The following INTS4 variants were observed in gnomAD, a reference collection of about 807,000 sequenced individuals.
The protein encoded by INTS4 is MSTP093.
A neutral mutation model predicts 119.5 loss-of-function variants in INTS4; 70 were observed. That is an observed-to-expected ratio of 0.59 (90% CI 0.48 to 0.71). The LOEUF is 0.71. INTS4 is among the 30% of genes least tolerant of loss of function. The pLI, the probability that INTS4 is intolerant of heterozygous loss-of-function variation, is 0.00. For missense variants in INTS4, 867 were observed against 1,173.2 expected, an observed-to-expected ratio of 0.74 and a Z score of 3.81; for synonymous variants, 316 against 419.6, an observed-to-expected ratio of 0.75 and a Z score of 3.02.
At chr11:77,940,406 G>T (rs1317395207) in intron 9 of INTS4, among the ~76,000 whole-genome samples, 1 of 152,098 alleles carries the variant, frequency 6.6e-6, no homozygotes, top group Admixed American at 6.5e-5. Flanking sequence ...ATTTCAGCCT[G>T]GGCAATAGAG....
At chr11:77,907,637 C>T (rs1427981503) in intron 16 of INTS4, 80 bp downstream of exon 16, 4 of 977,032 alleles carry the variant, frequency 4.1e-6, no homozygotes, top group South Asian at 2.8e-5. Flanking sequence ...AGTTTTATAA[C>T]TTATGGCCTC....
downstream of INTS4, among the ~76,000 whole-genome samples, chr11:77,876,059 G>A (rs1951585519): frequency 1.3e-5 from 2 of 152,102 alleles, no homozygotes; most frequent in South Asian, 2.1e-4. Flanking sequence ...ACTTAAGGAG[G>A]GCTGATGGTG....
At chr11:77,968,892 A>G (rs1855600007) in intron 4 of INTS4, among the ~76,000 whole-genome samples, 1 of 152,196 alleles carries the variant, frequency 6.6e-6, no homozygotes, top group South Asian at 2.1e-4. Context: ...AAACGTGGAA[A>G]AAATGTAAAT....
chr11:77,909,998 C>A (rs962418287), intron 15 of INTS4, among the ~76,000 whole-genome samples: 2 of 152,004 alleles, frequency 1.3e-5, no homozygotes, highest in African/African-American at 4.8e-5. Flanking sequence ...GTTGGTGGGA[C>A]TGTAAACTAG....
At chr11:77,934,798 A>G (rs1953750148) in intron 10 of INTS4, among the ~76,000 whole-genome samples, 1 of 152,274 alleles carries the variant, frequency 6.6e-6, no homozygotes, top group Non-Finnish European at 1.5e-5. Context: ...AGAATCAAAA[A>G]GCAGAGGTAG....
At chr11:77,982,696 C>G (rs542214787) in intron 2 of INTS4, among the ~76,000 whole-genome samples, 1 of 152,216 alleles carries the variant, frequency 6.6e-6, no homozygotes, top group East Asian at 1.9e-4. Flanking sequence ...CAATACCTGA[C>G]ACTGAAAAGA....
intron 22 of INTS4, among the ~76,000 whole-genome samples, chr11:77,881,174 A>G (rs1373061685): frequency 1.3e-5 from 2 of 152,236 alleles, no homozygotes; most frequent in Non-Finnish European, 2.9e-5. Context: ...CATGCCTGGA[A>G]GAATATTTCT....
rs1482204497 is a variant in INTS4, at chr11:77,970,298, C to T, written c.471+8698G>A. On this transcript the variant is annotated intron_variant, in intron 4 of 22. Transcript: ENST00000534064. ...CCTGCAGTCCCAGCTACTCAGGAGG[C>T]TGAGGCAGGAGAATTGCTTGAACCC... 2.0e-5 allele frequency among the ~76,000 whole-genome samples: 3 copies of T among 152,200 alleles called. No homozygotes were observed. In the East Asian group the frequency reaches 5.8e-4, roughly 29 times the overall value.
chr11:77,887,196 C>T (rs1952050757), intron 21 of INTS4, among the ~76,000 whole-genome samples: 2 of 152,178 alleles, frequency 1.3e-5, no homozygotes, highest in African/African-American at 2.4e-5. Flanking sequence ...AAACCAAATC[C>T]AGCAGCACAT....
intron 22 of INTS4, among the ~76,000 whole-genome samples, chr11:77,879,711 G>A (rs1447461106): frequency 6.6e-6 from 1 of 152,102 alleles, no homozygotes; most frequent in Non-Finnish European, 1.5e-5. Flanking sequence ...CTATGTGGCA[G>A]GTCCTAGCAA....
chr11:77,892,917 G>T (rs760559645), intron 19 of INTS4, among the ~76,000 whole-genome samples: 1 of 152,156 alleles, frequency 6.6e-6, no homozygotes, highest in African/African-American at 2.4e-5. Context: ...AAGCTAGATG[G>T]TAAGTTTGCT....
chr11:77,908,941 C>CAAA (rs1953026866), intron 15 of INTS4, among the ~76,000 whole-genome samples: 1 of 152,328 alleles, frequency 6.6e-6, no homozygotes, highest in East Asian at 1.9e-4. Context: ...TTCAAGGGAA[C>CAAA]ATGTCCCCAA....
intron 15 of INTS4, chr11:77,915,320 G>A (rs1953180860): frequency 6.6e-6 from 1 of 152,196 alleles, no homozygotes; most frequent in Non-Finnish European, 1.5e-5. Context: ...CTACTGGGGG[G>A]CCCATCACTG....
At chr11:77,927,690 C>A (rs1188258380) in intron 11 of INTS4, among the ~76,000 whole-genome samples, 1 of 151,998 alleles carries the variant, frequency 6.6e-6, no homozygotes, top group Non-Finnish European at 1.5e-5. Flanking sequence ...ATGAATCAAT[C>A]CCTAAGATCA....
intron 15 of INTS4, among the ~76,000 whole-genome samples, chr11:77,909,260 C>T (rs1307575960): frequency 6.6e-6 from 1 of 152,238 alleles, no homozygotes; most frequent in South Asian, 2.1e-4. Flanking sequence ...CTTAATCATA[C>T]CATATCTCCA....
chr11:77,932,364 C>G (rs1430946076), intron 10 of INTS4, among the ~76,000 whole-genome samples: 5 of 152,172 alleles, frequency 3.3e-5, no homozygotes, highest in Non-Finnish European at 7.3e-5. Context: ...AAAAGCTCAT[C>G]ATCACTGGTC....
At chr11:77,979,535 C>T (rs539337766) in intron 3 of INTS4, among the ~76,000 whole-genome samples, 1 of 152,014 alleles carries the variant, frequency 6.6e-6, no homozygotes, top group South Asian at 2.1e-4. Context: ...ATCCTTCATG[C>T]CCTCAACTAA....
At chr11:77,975,207 G>GT (rs915989940) in intron 4 of INTS4, among the ~76,000 whole-genome samples, 51 of 145,288 alleles carry the variant, frequency 3.5e-4, no homozygotes, top group East Asian at 6.1e-4. Flanking sequence ...CCTTATTCTT[G>GT]TTTTTTTTTT....
intron 11 of INTS4, among the ~76,000 whole-genome samples, chr11:77,926,532 G>A (rs1953504394): frequency 6.6e-6 from 1 of 152,108 alleles, no homozygotes; most frequent in Admixed American, 6.6e-5. Context: ...AGTCAGCCGG[G>A]CACGGTGGCT....
Sources: allele counts gnomAD v4.1 joint callset (sites outside exome capture counted in the v4.1 genomes callset), GRCh38; gene constraint gnomAD v4.1.1; transcripts MANE v1.5; gene names NCBI Gene and HGNC (gene_info 2026-07-23, HGNC 2026-07-21).